The following SCN11A variants were observed in gnomAD, a reference collection of about 807,000 sequenced individuals.
SCN11A encodes sodium channel protein type 11 subunit alpha.
Under a neutral mutation model 162.2 loss-of-function variants are expected in SCN11A, and 122 were observed. That is an observed-to-expected ratio of 0.75 (90% CI 0.65 to 0.87). The LOEUF (loss-of-function observed/expected upper bound fraction) is 0.87, where lower values mean the gene tolerates loss of function less well. SCN11A is among the 40% of genes least tolerant of loss of function. The pLI is 0.00. For missense variants in SCN11A, 2,015 were observed against 2,181.6 expected, an observed-to-expected ratio of 0.92 and a Z score of 1.52; for synonymous variants, 758 against 751.5, an observed-to-expected ratio of 1.01 and a Z score of -0.14.
Position 38,926,812 on chromosome 3 carries a change from A to G in SCN11A, c.608T>C (p.Ile203Thr). ...DPWNWLDSIVIGIAIVSYIPG... is the reference protein window; with the variant it reads ...DPWNWLDSIVTGIAIVSYIPG... ...TCTTTAATATTCTTACGCTATTCCAATGACAATGGAGTCCAGCCAGTTCCA... is the reference window on the plus strand; with the variant it reads ...TCTTTAATATTCTTACGCTATTCCAGTGACAATGGAGTCCAGCCAGTTCCA... The change falls in exon 8 of 30, where the codon ATT (isoleucine) becomes ACT (threonine). Residue 203 changes from isoleucine (I) to threonine (T), a missense_variant. By Grantham distance (89) the Ile-to-Thr change is moderately conservative. Coordinates refer to ENST00000302328, the MANE Select transcript of SCN11A (RefSeq NM_001349253.2). 6.2e-7 allele frequency: 1 copy of G among 1,613,724 alleles called. No individual in the cohort carries two copies. The highest frequency in any genetic ancestry group is 8.5e-7 in the Non-Finnish European group (1 of 1,179,794).
intron 26 of SCN11A, among the ~76,000 whole-genome samples, chr3:38,868,975 T>TG (rs1468772798): frequency 1.3e-5 from 2 of 152,094 alleles, no homozygotes; most frequent in African/African-American, 4.8e-5. Flanking sequence ...CCAGGGACCA[T>TG]GGGGAGGATA....
At chr3:38,919,769 G>T (rs1575291657) in intron 11 of SCN11A, among the ~76,000 whole-genome samples, 166 bp downstream of exon 11, 1 of 152,178 alleles carries the variant, frequency 6.6e-6, no homozygotes, top group African/African-American at 2.4e-5. Context: ...ACCAGGAAAT[G>T]ATTTTTTAAT....
intron 7 of SCN11A, among the ~76,000 whole-genome samples, chr3:38,932,002 G>A (rs1175161410): frequency 2.6e-5 from 4 of 152,146 alleles, no homozygotes; most frequent in African/African-American, 9.7e-5. Context: ...TACAATACTT[G>A]CAACTTGCCA....
chr3:38,960,226 G>A (rs991924150), intron 3 of SCN11A, among the ~76,000 whole-genome samples, 57 bp downstream of exon 3: 1 of 152,168 alleles, frequency 6.6e-6, no homozygotes, highest in Non-Finnish European at 1.5e-5. Context: ...AGTTCCAGGT[G>A]GCAGGTCCCA....
chr3:38,928,286 C>T (rs1251981908), intron 7 of SCN11A, among the ~76,000 whole-genome samples: 1 of 152,090 alleles, frequency 6.6e-6, no homozygotes, highest in East Asian at 1.9e-4. Context: ...GAAAACCAAA[C>T]ACTGCATGTT....
chr3:38,885,350 T>A lies in SCN11A; in HGVS notation c.3002A>T (p.Asp1001Val), dbSNP rs1232514042. The A allele has an allele frequency of 2.5e-6, 4 of 1,613,716 alleles. No homozygotes were observed. In the Admixed American group the frequency reaches 6.7e-5, roughly 27 times the overall value. The change falls in exon 21 of 30, where the codon GAT (aspartate) becomes GTT (valine). Residue 1001 changes from aspartate (D) to valine (V), a missense_variant. Coordinates refer to ENST00000302328, the MANE Select transcript of SCN11A (RefSeq NM_001349253.2). ...CATCTCAGGTAACCATCCAAAGCCA[T>A]CCTGAAGATCAATGGTGCTACATTC... Reference protein sequence around the residue: ...LSECSTIDLQDGFGWLPEMVP... With the variant: ...LSECSTIDLQVGFGWLPEMVP...
At chr3:38,975,701 T>C (rs2066845728) in intron 2 of SCN11A, among the ~76,000 whole-genome samples, 1 of 152,206 alleles carries the variant, frequency 6.6e-6, no homozygotes, top group African/African-American at 2.4e-5. Flanking sequence ...TGAAGATTGT[T>C]AAACATTATG....
At chr3:38,937,401 A>G (rs1268454288) in intron 7 of SCN11A, among the ~76,000 whole-genome samples, 1 of 150,152 alleles carries the variant, frequency 6.7e-6, no homozygotes, top group Non-Finnish European at 1.5e-5. Flanking sequence ...GAGCTTCTGC[A>G]CAGCAAAAGA....
At chr3:38,939,418 T>C (rs2066406527) in intron 7 of SCN11A, among the ~76,000 whole-genome samples, 1 of 151,922 alleles carries the variant, frequency 6.6e-6, no homozygotes, top group African/African-American at 2.4e-5. Flanking sequence ...AAGAAGAATA[T>C]AGCAAAATAT....
At chr3:39,039,334 T>A (rs1428128134) in intron 1 of SCN11A, among the ~76,000 whole-genome samples, 1 of 152,230 alleles carries the variant, frequency 6.6e-6, no homozygotes, top group Non-Finnish European at 1.5e-5. Context: ...TTATTTTGCC[T>A]ATGGCAGTGT....
chr3:38,956,437 T>C (rs916796711), intron 3 of SCN11A, among the ~76,000 whole-genome samples: 1 of 152,144 alleles, frequency 6.6e-6, no homozygotes, highest in Non-Finnish European at 1.5e-5. Context: ...ACTTCAAAAG[T>C]AATGGTTTAT....
At chr3:38,993,792 C>T (rs921483053) in intron 2 of SCN11A, among the ~76,000 whole-genome samples, 2 of 152,222 alleles carry the variant, frequency 1.3e-5, no homozygotes, top group South Asian at 4.1e-4. Flanking sequence ...GAGATGTCTT[C>T]CAACCCCTCA....
chr3:38,864,011 A>C (rs2065005203), intron 27 of SCN11A, among the ~76,000 whole-genome samples: 1 of 152,176 alleles, frequency 6.6e-6, no homozygotes, highest in Non-Finnish European at 1.5e-5. Flanking sequence ...TAATCTCTGT[A>C]AACTAGAATC....
intron 2 of SCN11A, among the ~76,000 whole-genome samples, chr3:39,012,399 A>ACTTC (rs1215816597): frequency 4.0e-5 from 6 of 148,758 alleles, no homozygotes; most frequent in Non-Finnish European, 9.0e-5. Flanking sequence ...CTCCTTCCTT[A>ACTTC]CTTCCTTCCT....
chr3:39,012,318 T>G (rs974931210), intron 2 of SCN11A, among the ~76,000 whole-genome samples: 2 of 151,860 alleles, frequency 1.3e-5, no homozygotes, highest in African/African-American at 4.8e-5. Context: ...AGAGTGAAAC[T>G]CCATCTCAAA....
intron 3 of SCN11A, among the ~76,000 whole-genome samples, chr3:38,956,484 C>G (rs1484763130): frequency 1.3e-5 from 2 of 152,136 alleles, no homozygotes; most frequent in African/African-American, 2.4e-5. Flanking sequence ...CCCTGATACC[C>G]TGCCATTTTG....
intron 11 of SCN11A, among the ~76,000 whole-genome samples, chr3:38,910,520 G>A (rs2065872370): frequency 6.6e-6 from 1 of 151,318 alleles, no homozygotes; most frequent in Non-Finnish European, 1.5e-5. Flanking sequence ...CCACTTCTTA[G>A]AGGCAATAGT....
intron 2 of SCN11A, among the ~76,000 whole-genome samples, chr3:39,020,147 A>C (rs1014804127): frequency 7.2e-5 from 11 of 152,238 alleles, no homozygotes; most frequent in African/African-American, 2.7e-4. Context: ...GGTTGCCCCA[A>C]GAGTTAAATA....
intron 2 of SCN11A, among the ~76,000 whole-genome samples, chr3:38,974,085 A>T (rs557578945): frequency 6.6e-6 from 1 of 152,336 alleles, no homozygotes; most frequent in African/African-American, 2.4e-5. Context: ...AGACAACACA[A>T]AGGCTTAGGA....
Sources: allele counts gnomAD v4.1 joint callset (sites outside exome capture counted in the v4.1 genomes callset), GRCh38; gene constraint gnomAD v4.1.1; transcripts MANE v1.5; gene names NCBI Gene and HGNC (gene_info 2026-07-23, HGNC 2026-07-21).